Variants in LRIG1 observed in about 807,000 individuals in gnomAD.
LRIG1 encodes the protein leucine rich repeats and immunoglobulin like domains 1, also known as leucine-rich repeats and immunoglobulin-like domains protein 1.
In LRIG1, 48 loss-of-function variants were observed where a neutral mutation model predicts 99.2. That is an observed-to-expected ratio of 0.48 (90% CI 0.38 to 0.62). The LOEUF is 0.62. Among genes scored for constraint, LRIG1 ranks in the 20% least tolerant of loss-of-function variants. The pLI is 0.00. For missense variants in LRIG1, 1,646 were observed against 1,434.4 expected (o/e 1.15, Z -2.38); for synonymous variants, 772 against 596.1 (o/e 1.29, Z -4.30).
chr3:66,462,449 G>T lies in LRIG1; in HGVS notation c.279C>A (p.Asn93Lys). Residue 93 changes from asparagine (N) to lysine (K), a missense_variant, in exon 2 of 19, where the codon AAC becomes AAA. Coordinates refer to ENST00000273261, the MANE Select transcript of LRIG1 (RefSeq NM_015541.3). ...IDPAGFEDLP[N>K]LQEVYLNNNE... The stretch of plus-strand genomic sequence containing the variant: ...AGGGGGAGACTCACACTTCCTGTAG[G>T]TTCGGCAAGTCCTCAAAACCAGCAG... The T allele has an allele frequency of 6.2e-7, 1 of 1,612,194 alleles. No individual in the cohort carries two copies. Among genetic ancestry groups the T allele is most frequent in the Non-Finnish European group, 8.5e-7 (1 of 1,178,948 alleles).
At chr3:66,499,097 T>C (rs969462494) in intron 1 of LRIG1, among the ~76,000 whole-genome samples, 1 of 152,348 alleles carries the variant, frequency 6.6e-6, no homozygotes, top group Middle Eastern at 3.4e-3. Context: ...TCTGGAAAGG[T>C]ACTAATGGTT....
chr3:66,477,805 G>A (rs1700756388), intron 1 of LRIG1, among the ~76,000 whole-genome samples: 1 of 152,046 alleles, frequency 6.6e-6, no homozygotes, highest in South Asian at 2.1e-4. Flanking sequence ...AGAGGGGAGA[G>A]GAGGGGAGGT....
intron 6 of LRIG1, among the ~76,000 whole-genome samples, chr3:66,410,968 T>C (rs985120364): frequency 6.6e-6 from 1 of 152,258 alleles, no homozygotes; most frequent in African/African-American, 2.4e-5. Flanking sequence ...GGCGTCAGAC[T>C]ACCTGGATTT....
At chr3:66,406,611 C>T (rs1702277476) in intron 8 of LRIG1, among the ~76,000 whole-genome samples, 1 of 152,220 alleles carries the variant, frequency 6.6e-6, no homozygotes, top group South Asian at 2.1e-4. Flanking sequence ...CACCACTGTC[C>T]TCTGAAACCT....
rs1182558971 is a variant in LRIG1, at chr3:66,399,768, A to T, written c.1161-727T>A. Among the ~76,000 whole-genome samples, 2 of 152,288 alleles carry T rather than the reference A, an allele frequency of 1.3e-5. 1 individual carries two copies. The highest frequency in any genetic ancestry group is 4.2e-4 in the South Asian group (2 of 4,818). ...GGGCAACATAGCGGGATGTTGTCTC[A>T]AACAAAAAACAAACAAAAACCCCCA... On this transcript the variant is annotated intron_variant, in intron 9 of 18. Transcript: ENST00000273261.
At chr3:66,413,148 G>T in intron 5 of LRIG1, 134 bp from the exon 6 acceptor site, 1 of 966,726 alleles carries the variant, frequency 1.0e-6, no homozygotes, top group Non-Finnish European at 1.6e-6. Context: ...AAGCCAGGAT[G>T]TGTAGGGGAG....
intron 3 of LRIG1, among the ~76,000 whole-genome samples, chr3:66,439,985 T>C (rs1265149557): frequency 6.6e-6 from 1 of 151,912 alleles, no homozygotes; most frequent in Non-Finnish European, 1.5e-5. Context: ...CCAGCCTCAA[T>C]ATTTATTTCC....
At chr3:66,392,234 T>C (rs1028395919) in intron 12 of LRIG1, among the ~76,000 whole-genome samples, 3 of 152,244 alleles carry the variant, frequency 2.0e-5, no homozygotes, top group South Asian at 2.1e-4. Context: ...TTGGCCATTA[T>C]GAATAATGCT....
rs1701054720 is a variant in LRIG1 at position 66,381,410 on chromosome 3, T to C, written c.2770+69A>G. ...ACTAGGAATGTGTCTCCCCCTTTGA[T>C]GTAGTGACTAGGTCAGCCCAAATTT... On this transcript the variant is annotated intron_variant, in intron 17 of 18. Transcript: ENST00000273261. 10 of 1,488,770 alleles carry C rather than the reference T, an allele frequency of 6.7e-6. No individual in the cohort carries two copies. The Admixed American group carries it at 1.1e-4, about 16-fold the overall frequency. 92.2% of individuals were successfully genotyped at this position (1,488,770 alleles called of 1,614,324 possible). A position where few individuals can be genotyped will look rare whatever the true frequency, so the allele number is the denominator to read the frequency against.
chr3:66,467,616 C>T (rs1439969007), intron 1 of LRIG1, among the ~76,000 whole-genome samples: 1 of 152,214 alleles, frequency 6.6e-6, no homozygotes, highest in Non-Finnish European at 1.5e-5. Context: ...CCGCCTCGGC[C>T]TCCCAAAGTG....
intron 3 of LRIG1, among the ~76,000 whole-genome samples, chr3:66,430,280 T>A (rs564086630): frequency 2.0e-5 from 3 of 152,176 alleles, no homozygotes; most frequent in African/African-American, 4.8e-5. Context: ...TTAACTTTTT[T>A]AAAAAAGGTA....
rs1041766559 is a variant in LRIG1, at chr3:66,398,891, C to T, written c.1232+79G>A. ...GCCTGTTTCTCAGTTTACAAAGATGCGATTAAATTGCTAGCAGAACTCCCC... is the reference window on the plus strand; with the variant it reads ...GCCTGTTTCTCAGTTTACAAAGATGTGATTAAATTGCTAGCAGAACTCCCC... On this transcript the variant is annotated intron_variant, in intron 10 of 18. Transcript: ENST00000273261. 3.6e-5 allele frequency: 41 copies of T among 1,153,422 alleles called. No individual in the cohort carries two copies. The African/African-American group carries it at 4.2e-4, about 12-fold the overall frequency. The allele number at this position is 1,153,422 out of a possible 1,614,324, so 71.4% of individuals were successfully genotyped here.
chr3:66,406,215 G>C (rs985183510), intron 8 of LRIG1: 1 of 985,364 alleles, frequency 1.0e-6, no homozygotes, highest in Non-Finnish European at 1.2e-6. Context: ...TCAAATAGTG[G>C]AGATTCTGCT....
Position 66,380,882 on chromosome 3 carries a change from T to C in LRIG1, c.2771-21A>G, listed in dbSNP as rs201707495. 1.9e-6 allele frequency: 3 copies of C among 1,609,756 alleles called. No homozygotes were observed. The Admixed American group carries it at 5.0e-5, about 27-fold the overall frequency. On this transcript the variant is annotated intron_variant, in intron 17 of 18. Coordinates refer to ENST00000273261, the MANE Select transcript of LRIG1 (RefSeq NM_015541.3). ...GTGTTCTGAAGGACAGCGCCAAAGA[T>C]GGGTTAGAGTCACTGCTGTGGGAGT...
At chr3:66,405,468 T>C (rs996045764) in intron 8 of LRIG1, among the ~76,000 whole-genome samples, 190 bp from the exon 9 acceptor site, 8 of 152,092 alleles carry the variant, frequency 5.3e-5, no homozygotes, top group Non-Finnish European at 1.0e-4. Context: ...CCAACCAAGA[T>C]GACACATGCC....
intron 10 of LRIG1, 78 bp downstream of exon 10, chr3:66,398,891 CG>C: frequency 8.7e-7 from 1 of 1,153,542 alleles, no homozygotes; most frequent in East Asian, 2.4e-5. Flanking sequence ...TACAAAGATG[CG>C]ATTAAATTGC....
chr3:66,415,223 G>C (rs1292678351), intron 4 of LRIG1, among the ~76,000 whole-genome samples, 160 bp from the exon 5 acceptor site: 1 of 152,192 alleles, frequency 6.6e-6, no homozygotes, highest in African/African-American at 2.4e-5. Flanking sequence ...CTTTGGATGG[G>C]GAGCTAGAGA....
At position 66,380,065 on chromosome 3, in the gene LRIG1, A is replaced by G; in HGVS notation, c.*198T>C. On this transcript the variant is annotated 3_prime_UTR_variant, in exon 19 of 19. Transcript: ENST00000273261. The stretch of plus-strand genomic sequence containing the variant: ...ACTCTTATGTACAATGATATCAAAT[A>G]CTTTTTTTGCCTTTTGTACACAAAT... 1 of 509,120 alleles carries G rather than the reference A, an allele frequency of 2.0e-6. No individual in the cohort carries two copies. Among genetic ancestry groups the G allele is most frequent in the East Asian group, 3.0e-5 (1 of 33,152 alleles). 31.5% of individuals were successfully genotyped at this position (509,120 alleles called of 1,614,324 possible). A position where few individuals can be genotyped will look rare whatever the true frequency, so the allele number is the denominator to read the frequency against.
intron 3 of LRIG1, among the ~76,000 whole-genome samples, chr3:66,438,078 G>C (rs1400399270): frequency 6.6e-6 from 1 of 152,152 alleles, no homozygotes; most frequent in Non-Finnish European, 1.5e-5. Context: ...GGTGTGGAGT[G>C]GGGAGGGATG....
Sources: allele counts gnomAD v4.1 joint callset (sites outside exome capture counted in the v4.1 genomes callset), GRCh38; gene constraint gnomAD v4.1.1; transcripts MANE v1.5; gene names NCBI Gene and HGNC (gene_info 2026-07-23, HGNC 2026-07-21).